Variants in SORCS3 observed in about 807,000 individuals in gnomAD.
The protein encoded by SORCS3 is VPS10 domain-containing receptor SorCS3.
SORCS3 carries 57 observed loss-of-function variants against 146.3 expected under a neutral mutation model. That is an observed-to-expected ratio of 0.39 (90% CI 0.31 to 0.49). SORCS3 has a LOEUF of 0.49. Among genes scored for constraint, SORCS3 ranks in the 20% least tolerant of loss-of-function variants. The pLI, the probability that SORCS3 is intolerant of heterozygous loss-of-function variation, is 0.92. For missense variants in SORCS3, 1,341 were observed against 1,575.5 expected (o/e 0.85, Z 2.52); for synonymous variants, 653 against 618.5 (o/e 1.06, Z -0.83).
At chr10:104,826,698 T>A (rs185288154) in intron 1 of SORCS3, among the ~76,000 whole-genome samples, 274 of 152,352 alleles carry the variant, frequency 1.8e-3, no homozygotes, top group Middle Eastern at 0.01. Flanking sequence ...AAGATTGGGA[T>A]GGCTGTGGCA....
intron 2 of SORCS3, among the ~76,000 whole-genome samples, chr10:104,882,531 T>C (rs1826169): frequency 0.37 from 55,579 of 152,064 alleles, 13,146 homozygotes; most frequent in African/African-American, 0.68. Context: ...GCATGGCCTC[T>C]TAGAACTGTA....
chr10:104,851,501 A>G (rs10786829), intron 2 of SORCS3, among the ~76,000 whole-genome samples: 69,704 of 151,862 alleles, frequency 0.46, 18,215 homozygotes, highest in East Asian at 0.72. Flanking sequence ...TTAGCCTTCT[A>G]ATGCAGTTGA....
In SORCS3 at chr10:105,245,596, G is replaced by C. The variant is rs564565487; in HGVS notation, c.2923G>C (p.Asp975His). 1.2e-6 allele frequency: 2 copies of C among 1,614,080 alleles called. No homozygotes were observed. Among genetic ancestry groups the C allele is most frequent in the South Asian group, 1.1e-5 (1 of 91,068 alleles). The change falls in exon 21 of 27, where the codon GAC (aspartate) becomes CAC (histidine). Residue 975 changes from aspartate (D) to histidine (H), a missense_variant. Asp to His is a moderately conservative substitution (Grantham distance 81, BLOSUM62 -1). Transcript: ENST00000369701. ...CTTCACATTCCTTGCAGAAGGAACCGACACCATCACAGTCCAGGTGGCTGC... is the reference window on the plus strand; with the variant it reads ...CTTCACATTCCTTGCAGAAGGAACCCACACCATCACAGTCCAGGTGGCTGC... Reference protein sequence around the residue: ...ISFTFLAEGTDTITVQVAAGN... With the variant: ...ISFTFLAEGTHTITVQVAAGN...
At chr10:104,667,135 G>C (rs968677414) in intron 1 of SORCS3, among the ~76,000 whole-genome samples, 1 of 152,216 alleles carries the variant, frequency 6.6e-6, no homozygotes, top group African/African-American at 2.4e-5. Context: ...ATACTGGAGT[G>C]TGCATAGGAA....
chr10:104,904,232 G>A (rs995533994), intron 2 of SORCS3, among the ~76,000 whole-genome samples: 1 of 152,176 alleles, frequency 6.6e-6, no homozygotes, highest in Non-Finnish European at 1.5e-5. Context: ...CAATGTGTAT[G>A]TCCTTTGGTA....
At position 105,225,106 on chromosome 10, in the gene SORCS3, CT is replaced by C. The variant is rs1425421241; in HGVS notation, c.2868+1864del. On this transcript the variant is annotated intron_variant, in intron 20 of 26. Coordinates refer to ENST00000369701, the MANE Select transcript of SORCS3 (RefSeq NM_014978.3). The stretch of plus-strand genomic sequence containing the variant: ...TTTAAGGAAGTCCAGCTTATCAGTT[CT>C]TTTTTTCATGAATCATGCCATTGGT... 2.6e-5 allele frequency among the ~76,000 whole-genome samples: 4 copies of C among 152,094 alleles called. No homozygotes were observed. The East Asian group carries it at 5.8e-4, about 22-fold the overall frequency.
intron 3 of SORCS3, 64 bp from the exon 4 acceptor site, chr10:104,977,271 A>C: frequency 7.5e-7 from 1 of 1,327,148 alleles, no homozygotes; most frequent in Non-Finnish European, 1.0e-6. Flanking sequence ...TTTATGATTA[A>C]AGTTATTATA....
intron 20 of SORCS3, among the ~76,000 whole-genome samples, chr10:105,231,371 G>A (rs745893918): frequency 6.6e-6 from 1 of 152,140 alleles, no homozygotes; most frequent in Admixed American, 6.5e-5. Flanking sequence ...CTTGTATCCT[G>A]TAACCTTGCT....
At chr10:104,813,479 G>A (rs778312559) in intron 1 of SORCS3, among the ~76,000 whole-genome samples, 6 of 152,146 alleles carry the variant, frequency 3.9e-5, no homozygotes, top group Non-Finnish European at 7.4e-5. Flanking sequence ...GTTCAGTGAT[G>A]GGATCACAGA....
intron 25 of SORCS3, among the ~76,000 whole-genome samples, chr10:105,260,069 C>T (rs544970530): frequency 2.6e-5 from 4 of 152,188 alleles, no homozygotes; most frequent in African/African-American, 9.6e-5. Flanking sequence ...AATTGAGATA[C>T]AAAATTTATT....
At chr10:105,017,150 T>C (rs1195416913) in intron 4 of SORCS3, among the ~76,000 whole-genome samples, 1 of 152,142 alleles carries the variant, frequency 6.6e-6, no homozygotes, top group Non-Finnish European at 1.5e-5. Context: ...AGGGGATTTT[T>C]TTTTTTTGAG....
intron 14 of SORCS3, among the ~76,000 whole-genome samples, chr10:105,199,264 C>T (rs1012444867): frequency 2.0e-5 from 3 of 151,206 alleles, no homozygotes; most frequent in African/African-American, 7.3e-5. Context: ...AACAATTGAT[C>T]ATTCATATTT....
At chr10:104,804,680 T>C (rs1458080885) in intron 1 of SORCS3, among the ~76,000 whole-genome samples, 1 of 152,224 alleles carries the variant, frequency 6.6e-6, no homozygotes, top group Non-Finnish European at 1.5e-5. Context: ...AATGCATTTA[T>C]TTTGAAAGTT....
At chr10:105,146,980 A>G (rs1331174103) in intron 8 of SORCS3, among the ~76,000 whole-genome samples, 1 of 152,108 alleles carries the variant, frequency 6.6e-6, no homozygotes. Context: ...CAGGTTGAGT[A>G]TCCTTTTCTC....
intron 1 of SORCS3, among the ~76,000 whole-genome samples, chr10:104,776,297 C>A (rs1444212890): frequency 6.6e-6 from 1 of 152,096 alleles, no homozygotes; most frequent in African/African-American, 2.4e-5. Flanking sequence ...CCCTTCAGGT[C>A]ACAGAGCTAT....
chr10:104,845,486 T>C lies in SORCS3; in HGVS notation c.695+2627T>C, dbSNP rs115183634. Among the ~76,000 whole-genome samples the C allele has an allele frequency of 9.3e-3, 1,411 of 152,312 alleles. 16 individuals are homozygous for C. The highest frequency in any genetic ancestry group is 0.032 in the African/African-American group (1,334 of 41,564). On this transcript the variant is annotated intron_variant, in intron 2 of 26. Transcript: ENST00000369701. The stretch of plus-strand genomic sequence containing the variant: ...AGTCCAGTAACTCACATGTAGGAAG[T>C]GCTTACTTAACTGTAATTGTTAATG...
intron 12 of SORCS3, among the ~76,000 whole-genome samples, 168 bp downstream of exon 12, chr10:105,164,547 G>GTA (rs2056296463): frequency 6.6e-6 from 1 of 152,180 alleles, no homozygotes; most frequent in East Asian, 1.9e-4. Flanking sequence ...GGGTAATGGG[G>GTA]TATAATGAGA....
chr10:104,743,125 A>G (rs538520323), intron 1 of SORCS3, among the ~76,000 whole-genome samples: 13 of 152,290 alleles, frequency 8.5e-5, no homozygotes, highest in Admixed American at 8.5e-4. Context: ...ATGAAAATGC[A>G]CTATACAAGT....
chr10:104,737,683 T>A (rs562347372), intron 1 of SORCS3, among the ~76,000 whole-genome samples: 1,886 of 152,290 alleles, frequency 0.012, 31 homozygotes, highest in African/African-American at 0.038. Context: ...TAGCCCTTTG[T>A]CAGATGAGTA....
Sources: gnomAD v4.1 joint callset for allele counts (sites outside exome capture counted in the v4.1 genomes callset) on GRCh38, gnomAD v4.1.1 for gene constraint, MANE v1.5 for transcripts, NCBI Gene and HGNC (gene_info 2026-07-23, HGNC 2026-07-21) for gene names.